The following ARL14EPL variants were observed in gnomAD, a reference collection of about 807,000 sequenced individuals.
ARL14EPL encodes the protein ARL14 effector protein-like.
In ARL14EPL, 17 loss-of-function variants were observed where a neutral mutation model predicts 15.9. The ratio of observed to expected loss-of-function variants is 1.07; its 90% confidence interval spans 0.73 to 1.60. ARL14EPL has a LOEUF of 1.60. Ranked by LOEUF, ARL14EPL falls within the 40% of genes most tolerant of loss-of-function variation. The pLI is 0.00. For synonymous variants in ARL14EPL, 78 were observed against 63.8 expected (o/e 1.22, Z -1.06); for missense variants, 214 against 185.9 (o/e 1.15, Z -0.88).
At chr5:116,044,104 G>T (rs754541617) in intron 1 of ARL14EPL, among the ~76,000 whole-genome samples, 12 of 152,082 alleles carry the variant, frequency 7.9e-5, no homozygotes, top group Admixed American at 1.3e-4. Flanking sequence ...TAAACATTCA[G>T]GTCAAATATA....
At chr5:116,053,867 A>C in intron 2 of ARL14EPL, 147 bp from the exon 3 acceptor site, 1 of 600,036 alleles carries the variant, frequency 1.7e-6, no homozygotes, top group Non-Finnish European at 2.6e-6. Context: ...TTTGAAACTT[A>C]ATTAGATTAA....
chr5:116,044,656 G>C (rs1490728908), intron 1 of ARL14EPL, among the ~76,000 whole-genome samples: 1 of 152,032 alleles, frequency 6.6e-6, no homozygotes, highest in Non-Finnish European at 1.5e-5. Context: ...ACTGATTATT[G>C]TGAATGGAAG....
chr5:116,042,181 C>T (rs904540940), intron 1 of ARL14EPL, among the ~76,000 whole-genome samples: 4 of 152,130 alleles, frequency 2.6e-5, no homozygotes, highest in Middle Eastern at 3.2e-3. Flanking sequence ...CTAGTCCCTC[C>T]GCCCGCTCTG....
At chr5:116,050,708 T>C (rs1055639222) in intron 1 of ARL14EPL, among the ~76,000 whole-genome samples, 1 of 150,802 alleles carries the variant, frequency 6.6e-6, no homozygotes, top group Non-Finnish European at 1.5e-5. Context: ...CTCTGGAGAG[T>C]GGTGTTTTCT....
At chr5:116,056,958 C>G (rs1166677728) in intron 3 of ARL14EPL, among the ~76,000 whole-genome samples, 1 of 152,146 alleles carries the variant, frequency 6.6e-6, no homozygotes, top group Non-Finnish European at 1.5e-5. Context: ...CAAAGCCTGG[C>G]AGAGACACAA....
chr5:116,046,208 A>G (rs529282813), intron 1 of ARL14EPL, among the ~76,000 whole-genome samples: 11 of 152,172 alleles, frequency 7.2e-5, no homozygotes, highest in Non-Finnish European at 1.6e-4. Flanking sequence ...AATATATTCC[A>G]AGAGATATCT....
At chr5:116,044,966 C>T (rs1749236558) in intron 1 of ARL14EPL, among the ~76,000 whole-genome samples, 1 of 152,064 alleles carries the variant, frequency 6.6e-6, no homozygotes, top group African/African-American at 2.4e-5. Flanking sequence ...TTCTCTTTAC[C>T]ACCCTACTAG....
intron 1 of ARL14EPL, among the ~76,000 whole-genome samples, chr5:116,036,121 G>T (rs1749046171): frequency 6.6e-6 from 1 of 152,182 alleles, no homozygotes; most frequent in South Asian, 2.1e-4. Flanking sequence ...CACCAACTCA[G>T]GTCAGTATAA....
rs1055879367 is a variant in ARL14EPL, at chr5:116,059,050, A to G, written c.*103A>G. 141 of 1,073,592 alleles carry G rather than the reference A, an allele frequency of 1.3e-4. No individual in the cohort carries two copies. The highest frequency in any genetic ancestry group is 1.7e-4 in the Non-Finnish European group (124 of 740,794). The allele number at this position is 1,073,592 out of a possible 1,614,324, so 66.5% of individuals were successfully genotyped here. ...GGCTTGGGGGAAATATCGAAAAAAC[A>G]TACTGAAGACTCATGTTCTGTCAAG... On this transcript the variant is annotated 3_prime_UTR_variant, in exon 4 of 4. Transcript: ENST00000686077.
chr5:116,036,475 C>T (rs1386992203), intron 1 of ARL14EPL, among the ~76,000 whole-genome samples: 1 of 152,150 alleles, frequency 6.6e-6, no homozygotes, highest in Non-Finnish European at 1.5e-5. Flanking sequence ...TGACAAGAAA[C>T]TTTAGGTAAA....
At chr5:116,046,444 C>T (rs957716089) in intron 1 of ARL14EPL, among the ~76,000 whole-genome samples, 3 of 152,176 alleles carry the variant, frequency 2.0e-5, no homozygotes, top group East Asian at 1.9e-4. Flanking sequence ...AAGTGATAAA[C>T]GTATGAGTCA....
Position 116,059,025 on chromosome 5 carries a change from G to A in ARL14EPL, c.*78G>A, listed in dbSNP as rs1749588092. The A allele has an allele frequency of 5.1e-6, 7 of 1,378,694 alleles. No individual in the cohort carries two copies. The highest frequency in any genetic ancestry group is 1.4e-5 in the African/African-American group (1 of 69,412). 85.4% of individuals were successfully genotyped at this position (1,378,694 alleles called of 1,614,324 possible). On this transcript the variant is annotated 3_prime_UTR_variant, in exon 4 of 4. Transcript: ENST00000686077. ...CCTCTTTCTTTTGGGTGAATTTTAG[G>A]GCTTGGGGGAAATATCGAAAAAACA...
chr5:116,054,433 A>T (rs967888946), intron 3 of ARL14EPL, among the ~76,000 whole-genome samples: 5 of 152,238 alleles, frequency 3.3e-5, no homozygotes, highest in African/African-American at 1.2e-4. Flanking sequence ...ACAAAAATGT[A>T]TCATTAGAAG....
chr5:116,046,548 C>T (rs532175966), intron 1 of ARL14EPL, among the ~76,000 whole-genome samples: 1 of 152,138 alleles, frequency 6.6e-6, no homozygotes, highest in African/African-American at 2.4e-5. Context: ...GGATGTGGTT[C>T]CTGAGGCCTC....
At chr5:116,055,711 ACATGTATAC>A (rs1186665092) in intron 3 of ARL14EPL, among the ~76,000 whole-genome samples, 1 of 151,846 alleles carries the variant, frequency 6.6e-6, no homozygotes, top group Non-Finnish European at 1.5e-5. Flanking sequence ...GGTTTGTTAC[ACATGTATAC>A]ATGTGCCATG....
chr5:116,055,485 T>C (rs901433594), intron 3 of ARL14EPL, among the ~76,000 whole-genome samples: 3 of 152,074 alleles, frequency 2.0e-5, no homozygotes, highest in Non-Finnish European at 4.4e-5. Context: ...GAAGTGAAAA[T>C]ATTTGAACAG....
At chr5:116,042,777 C>T (rs960375089) in intron 1 of ARL14EPL, among the ~76,000 whole-genome samples, 1 of 152,122 alleles carries the variant, frequency 6.6e-6, no homozygotes, top group Non-Finnish European at 1.5e-5. Context: ...ATAAACCAGA[C>T]CCTATATCAT....
chr5:116,034,095 A>T (rs1166462205), intron 1 of ARL14EPL, among the ~76,000 whole-genome samples: 2 of 152,174 alleles, frequency 1.3e-5, no homozygotes, highest in Non-Finnish European at 2.9e-5. Flanking sequence ...TACACATCAG[A>T]GGATTAAAGG....
chr5:116,053,845 T>C (rs1468948327), intron 2 of ARL14EPL, among the ~76,000 whole-genome samples, 169 bp from the exon 3 acceptor site: 1 of 152,210 alleles, frequency 6.6e-6, no homozygotes, highest in Non-Finnish European at 1.5e-5. Context: ...CTTGAGAAAA[T>C]GTACACCATC....
Sources: allele counts gnomAD v4.1 joint callset (sites outside exome capture counted in the v4.1 genomes callset), GRCh38; gene constraint gnomAD v4.1.1; transcripts MANE v1.5; gene names NCBI Gene and HGNC (gene_info 2026-07-23, HGNC 2026-07-21).